The following LRP2 variants were observed in gnomAD, a reference collection of about 807,000 sequenced individuals.
LRP2 encodes the protein low-density lipoprotein receptor-related protein 2.
A neutral mutation model predicts 531.0 loss-of-function variants in LRP2; 172 were observed. The observed-to-expected ratio is 0.32, with a 90% CI of 0.29 to 0.37. LRP2 has a LOEUF of 0.37. Among genes scored for constraint, LRP2 ranks in the 10% least tolerant of loss-of-function variants. The pLI is 1.00. For missense variants in LRP2, 5,167 were observed against 5,868.3 expected (o/e 0.88, Z 3.90); for synonymous variants, 1,992 against 2,027.6 (o/e 0.98, Z 0.47).
intron 62 of LRP2, among the ~76,000 whole-genome samples, chr2:169,163,373 G>T (rs1686657978): frequency 1.3e-5 from 2 of 152,182 alleles, no homozygotes; most frequent in Admixed American, 1.3e-4. Context: ...GAAATTTGCT[G>T]TGTGAGAAAA....
At chr2:169,294,121 T>C (rs199811855) in intron 6 of LRP2, 27 bp downstream of exon 6, 4 of 1,481,250 alleles carry the variant, frequency 2.7e-6, no homozygotes, top group Non-Finnish European at 2.8e-6. Flanking sequence ...CCCAACAACA[T>C]GACCCAGCAT....
chr2:169,262,148 G>A (rs1690583471), intron 16 of LRP2, among the ~76,000 whole-genome samples: 2 of 149,524 alleles, frequency 1.3e-5, no homozygotes, highest in South Asian at 2.1e-4. Context: ...ATACTGAATG[G>A]GCAAAAACTG....
rs764521645 is a variant in LRP2 at position 169,207,204 on chromosome 2, T to C, written c.6516A>G (p.Glu2172=). The change falls in exon 39 of 79, where the codon GAA becomes GAG. Residue 2172 remains glutamate (E), a synonymous_variant. Coordinates refer to ENST00000649046, the MANE Select transcript of LRP2 (RefSeq NM_004525.3). ...TNAFVSETLI[E]VLRINTTYRR... is the part of the protein sequence containing the mutation. ...GGTAAGTAGTATTGATCCGCAGAAC[T>C]TCTATCAGTGTTTCAGAAACAAAGG... is the stretch of plus-strand genomic sequence containing the variant. The C allele has an allele frequency of 4.3e-6, 7 of 1,614,170 alleles. No homozygotes were observed. The highest frequency in any genetic ancestry group is 5.9e-6 in the Non-Finnish European group (7 of 1,180,022).
chr2:169,318,824 T>C lies in LRP2; in HGVS notation c.248A>G (p.Asn83Ser), dbSNP rs2229263. Residue 83 changes from asparagine (N) to serine (S), a missense_variant, in exon 3 of 79, where the codon AAC becomes AGC. Coordinates refer to ENST00000649046, the MANE Select transcript of LRP2 (RefSeq NM_004525.3). ...TTGATCTTGGTCACACACCCAGGAGTTGGGGATGCATTGTCCCTCACTCTG... is the reference window on the plus strand; with the variant it reads ...TTGATCTTGGTCACACACCCAGGAGCTGGGGATGCATTGTCCCTCACTCTG... ...KCQSEGQCIP[N>S]SWVCDQDQDC... The C allele has an allele frequency of 0.29, 473,310 of 1,613,762 alleles. 71,748 individuals carry two copies. The highest frequency in any genetic ancestry group is 0.45 in the African/African-American group (33,705 of 74,936).
intron 15 of LRP2, 121 bp from the exon 16 acceptor site, chr2:169,271,228 T>A: frequency 1.5e-6 from 1 of 672,790 alleles, no homozygotes; most frequent in Non-Finnish European, 2.5e-6. Flanking sequence ...CTGAAATAAA[T>A]GTAAAAATAA....
chr2:169,148,487 T>C (rs1686002730), intron 68 of LRP2, among the ~76,000 whole-genome samples: 2 of 152,080 alleles, frequency 1.3e-5, no homozygotes. Flanking sequence ...GCTGTTTTCT[T>C]AAAGATAATA....
chr2:169,248,220 CACTA>C (rs1690089480), intron 19 of LRP2, among the ~76,000 whole-genome samples: 1 of 152,192 alleles, frequency 6.6e-6, no homozygotes, highest in Non-Finnish European at 1.5e-5. Context: ...GTTCACTTTA[CACTA>C]ACTATTGCAG....
rs1200085735 is a variant in LRP2 at position 169,127,366 on chromosome 2, C to T, written c.*1297G>A. ...TGCTATGGGAAAGTGTATATTCCTG[C>T]CATGGTTCCTGTTGTGCAGACTATA... On this transcript the variant is annotated 3_prime_UTR_variant, in exon 79 of 79. Transcript: ENST00000649046. The T allele has an allele frequency of 6.6e-6, 1 of 151,978 alleles. No individual in the cohort carries two copies. Among genetic ancestry groups the T allele is most frequent in the African/African-American group, 2.4e-5 (1 of 41,340 alleles). 9.4% of individuals were successfully genotyped at this position (151,978 alleles called of 1,614,324 possible). A position where few individuals can be genotyped will look rare whatever the true frequency, so the allele number is the denominator to read the frequency against.
chr2:169,238,064 G>A, intron 27 of LRP2, 27 bp downstream of exon 27: 1 of 1,600,336 alleles, frequency 6.2e-7, no homozygotes, highest in Non-Finnish European at 8.6e-7. Context: ...AACTAGCCAG[G>A]CCAAAGGTCA....
chr2:169,181,985 T>C (rs181749094), intron 51 of LRP2, among the ~76,000 whole-genome samples, 182 bp downstream of exon 51: 39 of 152,272 alleles, frequency 2.6e-4, no homozygotes, highest in Admixed American at 3.9e-4. Context: ...GAAGAGCTGA[T>C]GATGATGATT....
intron 1 of LRP2, among the ~76,000 whole-genome samples, chr2:169,344,719 A>G (rs900932001): frequency 6.6e-6 from 1 of 152,204 alleles, no homozygotes; most frequent in African/African-American, 2.4e-5. Context: ...ACTTAATAAT[A>G]AAAGCTTATC....
intron 1 of LRP2, among the ~76,000 whole-genome samples, chr2:169,343,706 A>G (rs1040389973): frequency 7.2e-5 from 11 of 152,200 alleles, no homozygotes; most frequent in South Asian, 2.1e-4. Flanking sequence ...CCAGTACCAG[A>G]AAGGGTTTGG....
rs375334036 is a variant in LRP2, at chr2:169,152,776, G to C, written c.12461+23C>G. ...TAACCAGGAAAACAGAACAGGTAAG[G>C]GGGGAATGTATGGCAAATTTACCTT... On this transcript the variant is annotated intron_variant, in intron 67 of 78. Coordinates refer to ENST00000649046, the MANE Select transcript of LRP2 (RefSeq NM_004525.3). The C allele has an allele frequency of 2.9e-4, 461 of 1,613,594 alleles. 2 individuals are homozygous for C. The highest frequency in any genetic ancestry group is 2.6e-3 in the Middle Eastern group (16 of 6,056).
At chr2:169,362,250 C>T in intron 1 of LRP2, 71 bp downstream of exon 1, 4 of 1,370,596 alleles carry the variant, frequency 2.9e-6, no homozygotes, top group Non-Finnish European at 4.0e-6. Context: ...CCCCTCCGGC[C>T]TCCCGCGGAC....
intron 13 of LRP2, among the ~76,000 whole-genome samples, chr2:169,277,444 G>A (rs1683586160): frequency 6.6e-6 from 1 of 152,100 alleles, no homozygotes; most frequent in South Asian, 2.1e-4. Context: ...ATGAACTCAG[G>A]AGTGAATGAA....
chr2:169,171,538 TA>T lies in LRP2; in HGVS notation c.11263+476del, dbSNP rs1422091041. On this transcript the variant is annotated intron_variant, in intron 58 of 78. Coordinates refer to ENST00000649046, the MANE Select transcript of LRP2 (RefSeq NM_004525.3). Reference sequence around the variant, plus strand: ...TGTTAGCCCTCCTAAAATAGTCAACTATTCTAGGAAGGGTAATAATGCAAAC... The same window carrying T: ...TGTTAGCCCTCCTAAAATAGTCAACTTTCTAGGAAGGGTAATAATGCAAAC... Among the ~76,000 whole-genome samples, 4 of 152,162 alleles carry T rather than the reference TA, an allele frequency of 2.6e-5. No homozygotes were observed. In the East Asian group the frequency reaches 7.7e-4, roughly 29 times the overall value.
At chr2:169,234,938 C>A (rs1273208579) in intron 29 of LRP2, among the ~76,000 whole-genome samples, 2 of 148,730 alleles carry the variant, frequency 1.3e-5, no homozygotes, top group Admixed American at 6.7e-5. Flanking sequence ...AAAACAGGGT[C>A]TCACTTTGTC....
intron 34 of LRP2, among the ~76,000 whole-genome samples, chr2:169,219,358 G>A (rs185594358): frequency 1.8e-4 from 28 of 152,128 alleles, no homozygotes; most frequent in African/African-American, 6.7e-4. Context: ...AAAAAAATCA[G>A]TGTTCATATT....
At chr2:169,151,783 T>C (rs1686145396) in intron 67 of LRP2, among the ~76,000 whole-genome samples, 1 of 152,152 alleles carries the variant, frequency 6.6e-6, no homozygotes, top group South Asian at 2.1e-4. Context: ...AGTGTTAATG[T>C]CTGGAGTTTT....
Sources: gnomAD v4.1 joint callset for allele counts (sites outside exome capture counted in the v4.1 genomes callset) on GRCh38, gnomAD v4.1.1 for gene constraint, MANE v1.5 for transcripts, NCBI Gene and HGNC (gene_info 2026-07-23, HGNC 2026-07-21) for gene names.